Variants in CIMIP7 observed in about 807,000 individuals in gnomAD.
The protein encoded by CIMIP7 is uncharacterized protein C3orf84.
At chr3:49,180,929 CAAAAAA>C in the CIMIP7 span, among the ~76,000 whole-genome samples, 3 of 65,922 alleles carry the variant, frequency 4.6e-5, no homozygotes, top group African/African-American at 6.5e-5. Flanking sequence ...GACTCCGTCT[CAAAAAA>C]AAAAAAAAAA....
At chr3:49,181,894 C>T in the CIMIP7 span, among the ~76,000 whole-genome samples, 2 of 152,168 alleles carry the variant, frequency 1.3e-5, no homozygotes, top group African/African-American at 2.4e-5. Flanking sequence ...GCGGCATGTC[C>T]GGAGTTTGTT....
chr3:49,183,071 A>C, the CIMIP7 span, among the ~76,000 whole-genome samples: 4,780 of 152,306 alleles, frequency 0.031, 104 homozygotes, highest in Non-Finnish European at 0.053. Context: ...CCCACAGCGC[A>C]GCGGCGGGCT....
At chr3:49,182,191 G>C in the CIMIP7 span, among the ~76,000 whole-genome samples, 2 of 152,246 alleles carry the variant, frequency 1.3e-5, no homozygotes, top group African/African-American at 4.8e-5. Context: ...TCCACAGCGT[G>C]GAAGGGGACC....
the CIMIP7 span, among the ~76,000 whole-genome samples, chr3:49,184,259 A>C: frequency 1.3e-5 from 2 of 152,256 alleles, no homozygotes; most frequent in Admixed American, 6.5e-5. Context: ...TTGGCCTCCC[A>C]AAGTGCTGGG....
At chr3:49,184,126 T>C in the CIMIP7 span, among the ~76,000 whole-genome samples, 1 of 152,004 alleles carries the variant, frequency 6.6e-6, no homozygotes. Flanking sequence ...GCCTCTGGAG[T>C]AGCTGGTACC....
the CIMIP7 span, chr3:49,177,933 C>T: frequency 1.4e-5 from 22 of 1,613,816 alleles, no homozygotes; most frequent in South Asian, 7.7e-5. Flanking sequence ...AAGAAGATTC[C>T]AGGGGCCCCT....
chr3:49,191,666 C>A, the CIMIP7 span: 22 of 1,494,428 alleles, frequency 1.5e-5, no homozygotes, highest in Non-Finnish European at 1.9e-5. Context: ...AACCTTTTCA[C>A]TTCACCGGCA....
the CIMIP7 span, among the ~76,000 whole-genome samples, chr3:49,181,787 C>T: frequency 6.6e-6 from 1 of 152,228 alleles, no homozygotes; most frequent in Non-Finnish European, 1.5e-5. Context: ...CGACAAATAA[C>T]ACATGAAAAT....
chr3:49,186,129 T>C, the CIMIP7 span, among the ~76,000 whole-genome samples: 1 of 151,350 alleles, frequency 6.6e-6, no homozygotes, highest in Non-Finnish European at 1.5e-5. Context: ...GCCTCCCAAG[T>C]AGCTGGGATT....
At chr3:49,184,883 G>T in the CIMIP7 span, among the ~76,000 whole-genome samples, 1,382 of 151,632 alleles carry the variant, frequency 9.1e-3, 29 homozygotes, top group African/African-American at 0.032. Flanking sequence ...ACCCACCTCG[G>T]CCTCCCAAGT....
chr3:49,180,291 G>A, the CIMIP7 span, among the ~76,000 whole-genome samples: 2 of 152,264 alleles, frequency 1.3e-5, no homozygotes, highest in East Asian at 3.9e-4. Flanking sequence ...GGGACAGAAG[G>A]TCCTGGCCCC....
chr3:49,182,822 G>A, the CIMIP7 span, among the ~76,000 whole-genome samples: 1 of 152,220 alleles, frequency 6.6e-6, no homozygotes, highest in Non-Finnish European at 1.5e-5. Context: ...CGGGAAGGCA[G>A]CTAAGGCCTG....
the CIMIP7 span, among the ~76,000 whole-genome samples, chr3:49,186,973 G>A: frequency 1.6e-4 from 25 of 152,256 alleles, no homozygotes; most frequent in Middle Eastern, 0.01. Flanking sequence ...CTAGGAGTCT[G>A]GGGCAAGTTT....
At chr3:49,182,102 G>A in the CIMIP7 span, among the ~76,000 whole-genome samples, 1 of 152,208 alleles carries the variant, frequency 6.6e-6, no homozygotes, top group African/African-American at 2.4e-5. Context: ...CGTGGTGAGT[G>A]TTACAACTCA....
At chr3:49,183,800 A>G in the CIMIP7 span, among the ~76,000 whole-genome samples, 1 of 152,272 alleles carries the variant, frequency 6.6e-6, no homozygotes, top group Non-Finnish European at 1.5e-5. Context: ...CTTTATTTGT[A>G]TGAGCCAAAA....
chr3:49,184,804 A>C, the CIMIP7 span, among the ~76,000 whole-genome samples: 2 of 150,732 alleles, frequency 1.3e-5, no homozygotes, highest in Non-Finnish European at 1.5e-5. Flanking sequence ...AATTTTTTGT[A>C]TTTTTAGTAG....
chr3:49,178,479 C>G, the CIMIP7 span: 5 of 1,613,320 alleles, frequency 3.1e-6, no homozygotes, highest in Non-Finnish European at 4.2e-6. Flanking sequence ...CTTCGGCACT[C>G]ACTTTGTCAA....
the CIMIP7 span, chr3:49,178,434 G>T: frequency 6.4e-7 from 1 of 1,569,186 alleles, no homozygotes; most frequent in Non-Finnish European, 8.8e-7. Flanking sequence ...CCAGACTTCA[G>T]CTTAGGCTGG....
chr3:49,191,648 C>T, the CIMIP7 span: 1 of 1,398,284 alleles, frequency 7.2e-7, no homozygotes, highest in Non-Finnish European at 1.0e-6. Flanking sequence ...GGTTGGATGC[C>T]AAATGAAAAC....
Sources: allele counts gnomAD v4.1 joint callset (sites outside exome capture counted in the v4.1 genomes callset), GRCh38; gene constraint gnomAD v4.1.1; transcripts MANE v1.5; gene names NCBI Gene and HGNC (gene_info 2026-07-23, HGNC 2026-07-21).